The following ARHGEF3 variants were observed in gnomAD, a reference collection of about 807,000 sequenced individuals.
ARHGEF3 encodes 59.8 kDA protein.
A neutral mutation model predicts 63.2 loss-of-function variants in ARHGEF3; 28 were observed. That is an observed-to-expected ratio of 0.44 (90% CI 0.33 to 0.61). ARHGEF3 has a LOEUF of 0.61. Among genes scored for constraint, ARHGEF3 ranks in the 20% least tolerant of loss-of-function variants. The pLI, the probability that ARHGEF3 is intolerant of heterozygous loss-of-function variation, is 0.03. For missense variants in ARHGEF3, 533 were observed against 659.3 expected (o/e 0.81, Z 2.10); for synonymous variants, 266 against 254.2 (o/e 1.05, Z -0.44).
intron 6 of ARHGEF3, among the ~76,000 whole-genome samples, chr3:56,749,561 G>T (rs1210535588): frequency 6.6e-6 from 1 of 152,136 alleles, no homozygotes; most frequent in African/African-American, 2.4e-5. Flanking sequence ...GAGACACTGA[G>T]GCACTCTCTA....
chr3:56,803,223 T>A (rs543672827), upstream of ARHGEF3, among the ~76,000 whole-genome samples: 27 of 152,214 alleles, frequency 1.8e-4, no homozygotes, highest in African/African-American at 6.0e-4. Flanking sequence ...TGTTTTAAAA[T>A]TTTTTATAAG....
chr3:56,949,212 C>T (rs1411033154), intron 3 of ARHGEF3, among the ~76,000 whole-genome samples: 8 of 151,936 alleles, frequency 5.3e-5, no homozygotes, highest in Non-Finnish European at 1.2e-4. Flanking sequence ...CCTTTGAAAA[C>T]TGGCACAAGA....
chr3:56,745,471 G>A lies in ARHGEF3; in HGVS notation c.613-9C>T. 2 of 1,611,488 alleles carry A rather than the reference G, an allele frequency of 1.2e-6. No homozygotes were observed. The highest frequency in any genetic ancestry group is 1.7e-6 in the Non-Finnish European group (2 of 1,178,740). ...GAGCTGAGGCAAGGGAGCTAAGAAG[G>A]AAACAGAAAGAGAAGGTTGGAATGT... On this transcript the variant is annotated splice_polypyrimidine_tract_variant and intron_variant, in intron 6 of 9. Coordinates refer to ENST00000296315, the MANE Select transcript of ARHGEF3 (RefSeq NM_019555.3).
chr3:56,913,651 T>A (rs969942057), intron 3 of ARHGEF3, among the ~76,000 whole-genome samples: 2 of 152,206 alleles, frequency 1.3e-5, no homozygotes, highest in African/African-American at 4.8e-5. Flanking sequence ...CAATTCTACT[T>A]CTGGGTATAT....
intron 4 of ARHGEF3, among the ~76,000 whole-genome samples, chr3:56,855,259 AT>A (rs1559995143): frequency 1.3e-5 from 2 of 152,136 alleles, no homozygotes; most frequent in African/African-American, 2.4e-5. Context: ...TGTTGTTCCC[AT>A]TTTTATCTGG....
intron 2 of ARHGEF3, among the ~76,000 whole-genome samples, chr3:56,970,942 C>T (rs1700883075): frequency 1.3e-5 from 2 of 152,200 alleles, no homozygotes; most frequent in Admixed American, 1.3e-4. Context: ...CCCCCTCTCA[C>T]AGGGCTGTTG....
chr3:56,776,293 G>A (rs553663025), intron 1 of ARHGEF3, among the ~76,000 whole-genome samples: 9 of 152,334 alleles, frequency 5.9e-5, no homozygotes, highest in African/African-American at 1.4e-4. Flanking sequence ...GTGCTGCTAC[G>A]TGAGATTGTA....
chr3:57,076,058 C>G (rs1227535003), intron 1 of ARHGEF3, among the ~76,000 whole-genome samples: 1 of 152,128 alleles, frequency 6.6e-6, no homozygotes, highest in Non-Finnish European at 1.5e-5. Context: ...AATATTTGTA[C>G]AAACCATTAA....
chr3:56,995,666 A>AGG (rs1462789457), intron 2 of ARHGEF3, among the ~76,000 whole-genome samples: 3 of 127,246 alleles, frequency 2.4e-5, no homozygotes, highest in Non-Finnish European at 5.2e-5. Flanking sequence ...AGAGAGAGAG[A>AGG]GAGAGAATTT....
At chr3:56,859,206 C>T (rs1227204958) in intron 4 of ARHGEF3, among the ~76,000 whole-genome samples, 2 of 151,326 alleles carry the variant, frequency 1.3e-5, no homozygotes, top group Non-Finnish European at 3.0e-5. Flanking sequence ...GGTGTGATCT[C>T]GGCTCACTGC....
At chr3:56,961,624 C>T (rs1700284352) in intron 2 of ARHGEF3, among the ~76,000 whole-genome samples, 1 of 152,096 alleles carries the variant, frequency 6.6e-6, no homozygotes, top group East Asian at 1.9e-4. Flanking sequence ...TTAAGTGTCC[C>T]TGTCAGCTGG....
chr3:56,993,068 C>T (rs537227294), intron 2 of ARHGEF3, among the ~76,000 whole-genome samples: 1 of 152,326 alleles, frequency 6.6e-6, no homozygotes, highest in African/African-American at 2.4e-5. Context: ...TTCCTGACTT[C>T]AGGCGATCTG....
At chr3:56,974,455 C>T (rs1017920845) in intron 2 of ARHGEF3, among the ~76,000 whole-genome samples, 16 of 152,172 alleles carry the variant, frequency 1.1e-4, no homozygotes, top group Non-Finnish European at 2.4e-4. Context: ...GGATAGATGG[C>T]AGCACCAAGC....
intron 4 of ARHGEF3, among the ~76,000 whole-genome samples, chr3:56,866,176 C>T (rs2040242839): frequency 1.3e-5 from 2 of 151,916 alleles, no homozygotes; most frequent in Non-Finnish European, 2.9e-5. Flanking sequence ...AAACACAAAA[C>T]AAAACAAAAC....
intron 2 of ARHGEF3, among the ~76,000 whole-genome samples, chr3:57,002,625 T>TG (rs1254556249): frequency 1.4e-5 from 2 of 146,782 alleles, no homozygotes; most frequent in Non-Finnish European, 3.0e-5. Flanking sequence ...GGGGTACATG[T>TG]GGGGGGTTGT....
At chr3:56,912,686 C>T (rs1002620344) in intron 3 of ARHGEF3, among the ~76,000 whole-genome samples, 1 of 152,162 alleles carries the variant, frequency 6.6e-6, no homozygotes, top group African/African-American at 2.4e-5. Flanking sequence ...TTGTTATTAA[C>T]ATTGTATTAA....
chr3:56,853,497 T>A (rs2039749931), intron 4 of ARHGEF3, among the ~76,000 whole-genome samples: 1 of 152,010 alleles, frequency 6.6e-6, no homozygotes, highest in Non-Finnish European at 1.5e-5. Flanking sequence ...CCACCACGCC[T>A]GGCTAATTTT....
chr3:56,758,390 GACCAC>G (rs1205833869), intron 2 of ARHGEF3, among the ~76,000 whole-genome samples: 10 of 151,700 alleles, frequency 6.6e-5, no homozygotes, highest in Non-Finnish European at 1.3e-4. Flanking sequence ...AGGAGTTCGA[GACCAC>G]TCTGGGCAAC....
At chr3:57,042,700 ATTTTTT>A (rs869145503) in intron 1 of ARHGEF3, among the ~76,000 whole-genome samples, 1 of 66,138 alleles carries the variant, frequency 1.5e-5, no homozygotes, top group African/African-American at 5.0e-5. Context: ...ATATATATAT[ATTTTTT>A]TTTTTTTTTA....
Sources: allele counts gnomAD v4.1 joint callset (sites outside exome capture counted in the v4.1 genomes callset), GRCh38; gene constraint gnomAD v4.1.1; transcripts MANE v1.5; gene names NCBI Gene and HGNC (gene_info 2026-07-23, HGNC 2026-07-21).